Variants in GRM8 observed in about 807,000 individuals in gnomAD.
GRM8 encodes the protein glutamate metabotropic receptor 8, also known as metabotropic glutamate receptor 8.
A neutral mutation model predicts 87.2 loss-of-function variants in GRM8; 47 were observed. The observed-to-expected ratio is 0.54, with a 90% CI of 0.43 to 0.69. GRM8 has a LOEUF of 0.69. GRM8 is among the 30% of genes least tolerant of loss of function. The probability of loss-of-function intolerance (pLI) is 0.00; values close to 1 mark genes in which losing one functional copy is unlikely to be tolerated. For missense variants in GRM8, 1,019 were observed against 1,139.2 expected (o/e 0.89, Z 1.52); for synonymous variants, 396 against 404.5 (o/e 0.98, Z 0.25).
intron 7 of GRM8, among the ~76,000 whole-genome samples, chr7:126,676,023 A>T (rs1308996747): frequency 6.6e-6 from 1 of 152,236 alleles, no homozygotes; most frequent in East Asian, 1.9e-4. Context: ...CCCAGATTTG[A>T]TAAATTCACT....
rs188329434 is a variant in GRM8 at position 126,518,819 on chromosome 7, C to A, written c.2430+14133G>T. ...ATTTTTTTTTCTAAAATAAGAGCAT[C>A]TTAGAATTAAACAGACCCTTAGAGA... On this transcript the variant is annotated intron_variant, in intron 9 of 10. Transcript: ENST00000339582. Among the ~76,000 whole-genome samples the A allele has an allele frequency of 1.3e-4, 20 of 151,938 alleles. No homozygotes were observed. The East Asian group carries it at 3.9e-3, about 30-fold the overall frequency.
At chr7:126,671,645 T>C (rs1806394377) in intron 7 of GRM8, among the ~76,000 whole-genome samples, 1 of 152,218 alleles carries the variant, frequency 6.6e-6, no homozygotes, top group Non-Finnish European at 1.5e-5. Flanking sequence ...ATGGGTAATG[T>C]AGAAATCTGG....
At chr7:126,934,749 A>T (rs1380863820) in intron 3 of GRM8, among the ~76,000 whole-genome samples, 1 of 152,186 alleles carries the variant, frequency 6.6e-6, no homozygotes, top group African/African-American at 2.4e-5. Context: ...ACTTAGCATA[A>T]ATCTCACAGT....
chr7:127,088,678 T>C (rs1262389760), intron 3 of GRM8, among the ~76,000 whole-genome samples: 3 of 152,178 alleles, frequency 2.0e-5, no homozygotes, highest in African/African-American at 4.8e-5. Context: ...CCATACAGCA[T>C]GTGCAATGGA....
chr7:126,643,820 T>C (rs1435114877), intron 7 of GRM8, among the ~76,000 whole-genome samples: 2 of 152,224 alleles, frequency 1.3e-5, no homozygotes, highest in Non-Finnish European at 2.9e-5. Context: ...CATTATTCTG[T>C]CAAAGCTAAG....
intron 8 of GRM8, among the ~76,000 whole-genome samples, chr7:126,534,387 C>T (rs1815349640): frequency 6.6e-6 from 1 of 152,280 alleles, no homozygotes; most frequent in East Asian, 1.9e-4. Flanking sequence ...ATGAGTTAAT[C>T]TCTGACTTTC....
At chr7:126,948,718 C>T (rs1423613152) in intron 3 of GRM8, among the ~76,000 whole-genome samples, 1 of 152,104 alleles carries the variant, frequency 6.6e-6, no homozygotes, top group Non-Finnish European at 1.5e-5. Flanking sequence ...CCTCAATGTG[C>T]CATTCATCAT....
chr7:127,166,022 A>T (rs1442215412), intron 2 of GRM8, among the ~76,000 whole-genome samples: 1 of 152,194 alleles, frequency 6.6e-6, no homozygotes. Flanking sequence ...ATAAAGTATC[A>T]GGAGAATCAG....
chr7:126,877,069 C>T (rs1586288160), intron 6 of GRM8, among the ~76,000 whole-genome samples: 1 of 152,170 alleles, frequency 6.6e-6, no homozygotes, highest in Admixed American at 6.5e-5. Context: ...CTCTGAATTA[C>T]CAAATCTAAC....
chr7:126,456,711 T>A (rs542671178), intron 9 of GRM8, among the ~76,000 whole-genome samples: 1 of 151,454 alleles, frequency 6.6e-6, no homozygotes, highest in South Asian at 2.1e-4. Context: ...CTGAAACTTA[T>A]CCTCGAATTA....
Position 127,160,535 on chromosome 7 carries a change from G to A in GRM8, c.511-53823C>T, listed in dbSNP as rs111689769. ...TGTAAGGAGGCTCCATCACGCGCGCGCACACACACACACACACACCCCTCA... is the reference window on the plus strand; with the variant it reads ...TGTAAGGAGGCTCCATCACGCGCGCACACACACACACACACACACCCCTCA... On this transcript the variant is annotated intron_variant, in intron 2 of 10. Transcript: ENST00000339582. Among the ~76,000 whole-genome samples, 5 of 140,422 alleles carry A rather than the reference G, an allele frequency of 3.6e-5. No homozygotes were observed. The East Asian group carries it at 9.8e-4, about 28-fold the overall frequency. The allele number at this position is 140,422 out of a possible 152,430, so 92.1% of individuals were successfully genotyped here.
chr7:127,006,920 A>T (rs1814373916), intron 3 of GRM8, among the ~76,000 whole-genome samples: 1 of 152,008 alleles, frequency 6.6e-6, no homozygotes, highest in South Asian at 2.1e-4. Context: ...AATCAACTCA[A>T]TGTGGAAGAT....
At chr7:126,469,696 G>A (rs770248538) in intron 9 of GRM8, among the ~76,000 whole-genome samples, 28 of 152,216 alleles carry the variant, frequency 1.8e-4, no homozygotes, top group African/African-American at 6.5e-4. Context: ...TAAGTTTCCC[G>A]AGGCCCTCCC....
Position 126,742,510 on chromosome 7 carries a change from T to C in GRM8, c.1357+27355A>G, listed in dbSNP as rs75999517. On this transcript the variant is annotated intron_variant, in intron 7 of 10. Transcript: ENST00000339582. ...GCCCCCACCCCACCACACTTACCAC[T>C]TCTCCAAGGCCAGCCCGCACAGCCA... Among the ~76,000 whole-genome samples, 426 of 151,966 alleles carry C rather than the reference T, an allele frequency of 2.8e-3. 3 individuals carry two copies. The highest frequency in any genetic ancestry group is 9.3e-3 in the African/African-American group (385 of 41,494).
intron 6 of GRM8, among the ~76,000 whole-genome samples, chr7:126,783,024 C>G (rs1300119820): frequency 6.6e-6 from 1 of 152,194 alleles, no homozygotes; most frequent in African/African-American, 2.4e-5. Flanking sequence ...GCCTCTGCTT[C>G]TATCAGACAT....
intron 6 of GRM8, among the ~76,000 whole-genome samples, chr7:126,820,670 A>G (rs1481769206): frequency 6.6e-6 from 1 of 152,164 alleles, no homozygotes; most frequent in East Asian, 1.9e-4. Context: ...GACATCCTCT[A>G]CATGTTCTTT....
chr7:126,476,124 A>G (rs1805878273), intron 9 of GRM8, among the ~76,000 whole-genome samples: 1 of 152,110 alleles, frequency 6.6e-6, no homozygotes, highest in South Asian at 2.1e-4. Context: ...TCAAATTAAA[A>G]AGCTTCTGCA....
chr7:126,806,511 TGCTGATTGGTCCATTTTACAGAGA>T (rs1792744753), intron 6 of GRM8, among the ~76,000 whole-genome samples: 2 of 152,244 alleles, frequency 1.3e-5, no homozygotes, highest in African/African-American at 4.8e-5. Context: ...ACCCACATCC[TGCTGATTGGTCCATTTTACAGAGA>T]GCTGATTGGT....
At chr7:126,970,074 G>A (rs1346630085) in intron 3 of GRM8, among the ~76,000 whole-genome samples, 1 of 152,020 alleles carries the variant, frequency 6.6e-6, no homozygotes, top group Admixed American at 6.6e-5. Context: ...GACATGTACT[G>A]TAATCCAAGT....
Sources: allele counts gnomAD v4.1 joint callset (sites outside exome capture counted in the v4.1 genomes callset), GRCh38; gene constraint gnomAD v4.1.1; transcripts MANE v1.5; gene names NCBI Gene and HGNC (gene_info 2026-07-23, HGNC 2026-07-21).